ZNF480: variants seen among roughly 807,000 people sequenced by gnomAD.
The protein encoded by ZNF480 is zinc finger protein 480.
Under a neutral mutation model 14.4 loss-of-function variants are expected in ZNF480, and 15 were observed. The observed-to-expected ratio is 1.04, with a 90% CI of 0.70 to 1.60. The LOEUF is 1.60. Among genes scored for constraint, ZNF480 ranks in the 40% most tolerant of loss-of-function variants. The pLI, the probability that ZNF480 is intolerant of heterozygous loss-of-function variation, is 0.00. For synonymous variants in ZNF480, 218 were observed against 215.5 expected, an observed-to-expected ratio of 1.01 and a Z score of -0.10; for missense variants, 593 against 629.7, an observed-to-expected ratio of 0.94 and a Z score of 0.62.
intron 2 of ZNF480, among the ~76,000 whole-genome samples, chr19:52,311,286 C>A (rs1305204868): frequency 6.6e-6 from 1 of 151,780 alleles, no homozygotes; most frequent in Non-Finnish European, 1.5e-5. Flanking sequence ...GAGTTTGAGA[C>A]CACCCTAGGC....
At chr19:52,318,248 A>C (rs778581631) in intron 4 of ZNF480, among the ~76,000 whole-genome samples, 2 of 152,038 alleles carry the variant, frequency 1.3e-5, no homozygotes, top group Non-Finnish European at 1.5e-5. Context: ...TTGGGATTAC[A>C]GGTGCACACC....
At chr19:52,314,613 G>C (rs1001883727) in intron 3 of ZNF480, among the ~76,000 whole-genome samples, 3 of 151,704 alleles carry the variant, frequency 2.0e-5, no homozygotes, top group Admixed American at 1.3e-4. Context: ...AGACCAGCCT[G>C]GCCAACATGG....
chr19:52,308,130 C>T (rs145548230), intron 2 of ZNF480, among the ~76,000 whole-genome samples: 1 of 151,904 alleles, frequency 6.6e-6, no homozygotes, highest in East Asian at 2.0e-4. Flanking sequence ...GGGTGCGGGC[C>T]CCATGGTGTT....
chr19:52,304,678 C>A (rs746071539), intron 2 of ZNF480, among the ~76,000 whole-genome samples: 1 of 151,948 alleles, frequency 6.6e-6, no homozygotes, highest in Non-Finnish European at 1.5e-5. Context: ...TAATCCCATG[C>A]CAGGCACATA....
Position 52,311,901 on chromosome 19 carries a change from G to A in ZNF480, c.73-2252G>A, listed in dbSNP as rs923627207. 2.0e-5 allele frequency among the ~76,000 whole-genome samples: 3 copies of A among 152,272 alleles called. No individual in the cohort carries two copies. In the East Asian group the frequency reaches 5.8e-4, roughly 29 times the overall value. On this transcript the variant is annotated intron_variant, in intron 2 of 4. Coordinates refer to ENST00000595962, the MANE Select transcript of ZNF480 (RefSeq NM_144684.4). Reference sequence around the variant, plus strand: ...TCAGTTGATGTGTATAAGTGTATATGTGTGCTAGTGTATATGGGTCTAAGT... The same window carrying A: ...TCAGTTGATGTGTATAAGTGTATATATGTGCTAGTGTATATGGGTCTAAGT...
rs184731057 is a variant in ZNF480 at position 52,316,629 on chromosome 19, C to T, written c.328+667C>T. On this transcript the variant is annotated intron_variant, in intron 4 of 4. Coordinates refer to ENST00000595962, the MANE Select transcript of ZNF480 (RefSeq NM_144684.4). ...CAGCCTCCATAAGTACTCTGATTAC[C>T]GGCATGAGCCATGATGCCTAGTCTT... 4.1e-3 allele frequency among the ~76,000 whole-genome samples: 628 copies of T among 151,924 alleles called. 5 individuals carry two copies. Among genetic ancestry groups the T allele is most frequent in the African/African-American group, 0.015 (601 of 41,446 alleles).
At chr19:52,297,730 A>C in intron 1 of ZNF480, 1 of 153,868 alleles carries the variant, frequency 6.5e-6, no homozygotes, top group Non-Finnish European at 1.5e-5. Flanking sequence ...CTCTTCCCAG[A>C]CACCGCTTCT....
intron 2 of ZNF480, among the ~76,000 whole-genome samples, chr19:52,306,175 C>T (rs976787093): frequency 6.6e-6 from 1 of 152,174 alleles, no homozygotes; most frequent in Non-Finnish European, 1.5e-5. Flanking sequence ...TGGCTTGGCA[C>T]TCAGGATTGG....
intron 2 of ZNF480, chr19:52,301,005 G>T (rs1041678211): frequency 1.9e-5 from 3 of 159,050 alleles, no homozygotes; most frequent in African/African-American, 7.2e-5. Context: ...ACAGCTTCTA[G>T]CAGTGTGTGT....
intron 3 of ZNF480, 78 bp downstream of exon 3, chr19:52,314,357 C>T: frequency 1.5e-6 from 2 of 1,348,668 alleles, no homozygotes; most frequent in Non-Finnish European, 2.0e-6. Context: ...CTCCTGGGAG[C>T]CCCTGCATTG....
chr19:52,322,058 T>G lies in ZNF480; in HGVS notation c.808T>G (p.Tyr270Asp), dbSNP rs777347543. The G allele has an allele frequency of 6.2e-7, 1 of 1,613,594 alleles. No individual in the cohort carries two copies. The highest frequency in any genetic ancestry group is 2.2e-5 in the East Asian group (1 of 44,818). The change falls in exon 5 of 5, where the codon TAC (tyrosine) becomes GAC (aspartate). Residue 270 changes from tyrosine to aspartate, a missense_variant. Tyr to Asp is a radical substitution (Grantham distance 160). Coordinates refer to ENST00000595962, the MANE Select transcript of ZNF480 (RefSeq NM_144684.4). Reference protein sequence around the residue: ...KCNVCGKVFSYNSNFARHQRI... With the variant: ...KCNVCGKVFSDNSNFARHQRI... ...TAATGTCTGTGGCAAGGTTTTTAGT[T>G]ACAATTCAAACTTTGCACGACATCA...
In ZNF480 at chr19:52,323,871, T is replaced by TC. The variant is rs1037912473; in HGVS notation, c.*1017dup. On this transcript the variant is annotated 3_prime_UTR_variant, in exon 5 of 5. Coordinates refer to ENST00000595962, the MANE Select transcript of ZNF480 (RefSeq NM_144684.4). ...CTGAACAAGCAAAAGCTGGAAGCAT[T>TC]CCCCTTGAGAACTGGAAAATGACAG... 6.6e-6 allele frequency: 1 copy of TC among 152,114 alleles called. No homozygotes were observed. The highest frequency in any genetic ancestry group is 1.9e-4 in the East Asian group (1 of 5,188). 9.4% of individuals were successfully genotyped at this position (152,114 alleles called of 1,614,324 possible). A position where few individuals can be genotyped will look rare whatever the true frequency, so the allele number is the denominator to read the frequency against.
chr19:52,301,651 A>T (rs1982696968), intron 2 of ZNF480: 1 of 152,140 alleles, frequency 6.6e-6, no homozygotes, highest in East Asian at 1.9e-4. Flanking sequence ...CCAATTATTT[A>T]CGTAGTCTGC....
chr19:52,319,594 C>G (rs1201335643), intron 4 of ZNF480, among the ~76,000 whole-genome samples: 3 of 152,088 alleles, frequency 2.0e-5, no homozygotes, highest in African/African-American at 4.8e-5. Context: ...AATGGTCAAG[C>G]TTCTTGAATT....
intron 2 of ZNF480, among the ~76,000 whole-genome samples, chr19:52,312,439 C>T (rs1051076998): frequency 6.6e-5 from 10 of 152,178 alleles, no homozygotes; most frequent in African/African-American, 2.4e-4. Flanking sequence ...GGATTACAGG[C>T]ATGAGCCACC....
chr19:52,300,433 C>G lies in ZNF480; in HGVS notation c.21C>G (p.Ala7=). The change falls in exon 2 of 5, where the codon GCC becomes GCG. Residue 7 remains alanine, a synonymous_variant. Transcript: ENST00000595962. MLCDEK[A]QKRRKRKAKE... ...GAGTCATGCTGTGTGATGAAAAAGC[C>G]CAGAAGAGAAGGAAGAGGAAAGCAA... is the stretch of plus-strand genomic sequence containing the variant. 6.2e-7 allele frequency: 1 copy of G among 1,612,942 alleles called. No homozygotes were observed.
At position 52,321,583 on chromosome 19, in the gene ZNF480, C is replaced by CG; in HGVS notation, c.333_334insG (p.Ser112GlufsTer14). On this transcript the variant is annotated frameshift_variant, in exon 5 of 5. Coordinates refer to ENST00000595962, the MANE Select transcript of ZNF480 (RefSeq NM_144684.4). LOFTEE classifies it low-confidence loss of function (END_TRUNC). ...ACTTTTTTCTTGCTTTCCTAGGGAG[C>CG]AGCTATGCATTGGGAAGCAATGCAG... 6.3e-7 allele frequency: 1 copy of CG among 1,576,528 alleles called. No individual in the cohort carries two copies. The highest frequency in any genetic ancestry group is 8.6e-7 in the Non-Finnish European group (1 of 1,161,156).
chr19:52,314,044 G>A (rs1024922239), intron 2 of ZNF480, 109 bp from the exon 3 acceptor site: 22 of 1,246,070 alleles, frequency 1.8e-5, no homozygotes, highest in African/African-American at 1.5e-4. Context: ...ATGGGGATTC[G>A]TCAGAACATT....
At chr19:52,321,223 G>A (rs1388522057) in intron 4 of ZNF480, among the ~76,000 whole-genome samples, 2 of 152,140 alleles carry the variant, frequency 1.3e-5, no homozygotes, top group African/African-American at 2.4e-5. Flanking sequence ...CTGGGGATGT[G>A]CCTTTCCTAG....
Sources: allele counts gnomAD v4.1 joint callset (sites outside exome capture counted in the v4.1 genomes callset), GRCh38; gene constraint gnomAD v4.1.1; transcripts MANE v1.5; gene names NCBI Gene and HGNC (gene_info 2026-07-23, HGNC 2026-07-21).